KCNQ3: variants seen among roughly 807,000 people sequenced by gnomAD.
KCNQ3 encodes potassium voltage-gated channel subfamily KQT member 3.
In KCNQ3, 30 loss-of-function variants were observed where a neutral mutation model predicts 92.5. That is an observed-to-expected ratio of 0.32 (90% CI 0.24 to 0.44). The LOEUF is 0.44. KCNQ3 is among the 20% of genes least tolerant of loss of function. KCNQ3 has a pLI of 1.00. For missense variants in KCNQ3, 913 were observed against 1,140.3 expected (o/e 0.80, Z 2.87); for synonymous variants, 450 against 468.8 (o/e 0.96, Z 0.52).
chr8:132,352,468 G>A lies in KCNQ3; in HGVS notation c.386+127679C>T, dbSNP rs186417842. 1.6e-4 allele frequency among the ~76,000 whole-genome samples: 25 copies of A among 152,212 alleles called. No individual in the cohort carries two copies. The East Asian group carries it at 4.5e-3, about 27-fold the overall frequency. ...AATGCTAATGCTGGAAAACTCTGGC[G>A]AGTTCAGGAACACAGAGCAGGACTC... On this transcript the variant is annotated intron_variant, in intron 1 of 14. Coordinates refer to ENST00000388996, the MANE Select transcript of KCNQ3 (RefSeq NM_004519.4).
At chr8:132,423,993 C>G (rs1202775445) in intron 1 of KCNQ3, among the ~76,000 whole-genome samples, 2 of 152,184 alleles carry the variant, frequency 1.3e-5, no homozygotes, top group Non-Finnish European at 2.9e-5. Context: ...AGCTGCAGGA[C>G]TATCTTAAAT....
chr8:132,126,536 A>C lies in KCNQ3; in HGVS notation c.*2726T>G, dbSNP rs189683280. 5.5e-4 allele frequency: 83 copies of C among 152,266 alleles called. No homozygotes were observed. Among genetic ancestry groups the C allele is most frequent in the African/African-American group, 1.9e-3 (77 of 41,560 alleles). 9.4% of individuals were successfully genotyped at this position (152,266 alleles called of 1,614,324 possible). ...TTTCTCTTTTCCTTTTTGTTTTCTT[A>C]AATGGGAAAAAAACAGCTCTTAAGG... On this transcript the variant is annotated 3_prime_UTR_variant, in exon 15 of 15. Transcript: ENST00000388996.
intron 1 of KCNQ3, among the ~76,000 whole-genome samples, chr8:132,251,321 G>T (rs1275584279): frequency 6.6e-6 from 1 of 152,116 alleles, no homozygotes; most frequent in Non-Finnish European, 1.5e-5. Context: ...TCATTGAACT[G>T]CAAGAAGGGG....
At chr8:132,415,735 A>C (rs1165551890) in intron 1 of KCNQ3, among the ~76,000 whole-genome samples, 1 of 151,092 alleles carries the variant, frequency 6.6e-6, no homozygotes, top group East Asian at 1.9e-4. Context: ...CAACGGGACA[A>C]AAAAAAAAGC....
intron 1 of KCNQ3, among the ~76,000 whole-genome samples, chr8:132,338,318 G>T (rs1818424681): frequency 6.6e-6 from 1 of 152,164 alleles, no homozygotes; most frequent in Non-Finnish European, 1.5e-5. Context: ...TCCTGCACAA[G>T]GGAGTAGCTG....
rs1004673503 is a variant in KCNQ3 at position 132,124,417 on chromosome 8, T to C, written c.*4845A>G. 1 of 152,258 alleles carries C rather than the reference T, an allele frequency of 6.6e-6. No homozygotes were observed. Among genetic ancestry groups the C allele is most frequent in the East Asian group, 1.9e-4 (1 of 5,200 alleles). 9.4% of individuals were successfully genotyped at this position (152,258 alleles called of 1,614,324 possible). The stretch of plus-strand genomic sequence containing the variant: ...TTGTACTAGAGGCTTTGTGTGTACA[T>C]TGATTGTCTCACTTGAAAATCAAAA... On this transcript the variant is annotated 3_prime_UTR_variant, in exon 15 of 15. Transcript: ENST00000388996.
Position 132,363,554 on chromosome 8 carries a change from A to T in KCNQ3, c.386+116593T>A, listed in dbSNP as rs1006087948. Among the ~76,000 whole-genome samples, 7 of 152,136 alleles carry T rather than the reference A, an allele frequency of 4.6e-5. No homozygotes were observed. The South Asian group carries it at 1.5e-3, about 32-fold the overall frequency. On this transcript the variant is annotated intron_variant, in intron 1 of 14. Transcript: ENST00000388996. ...GCACCTATAAGGAAACACATCAAGG[A>T]AGGCTCATACATGCGGGCAGCCCCT...
In KCNQ3 at chr8:132,129,320, G is replaced by A. The variant is rs772150176; in HGVS notation, c.2561C>T (p.Ser854Leu). The A allele has an allele frequency of 8.1e-6, 13 of 1,613,950 alleles. No homozygotes were observed. The highest frequency in any genetic ancestry group is 9.3e-6 in the Non-Finnish European group (11 of 1,180,024). ...PFTPSGSMPLSSTGDGISDSV... is the reference protein window; with the variant it reads ...PFTPSGSMPLLSTGDGISDSV... ...ATCAGAAATCCCATCCCCTGTGGACGACAGAGGCATGGAGCCGCTGGGCGT... is the reference window on the plus strand; with the variant it reads ...ATCAGAAATCCCATCCCCTGTGGACAACAGAGGCATGGAGCCGCTGGGCGT... The change falls in exon 15 of 15, where the codon TCG becomes TTG. Residue 854 changes from serine (S) to leucine (L), a missense_variant. Around this residue, in one of 6 missense-constraint regions of KCNQ3, gnomAD observed 375 missense variants for 376.4 expected, o/e 1.00. Coordinates refer to ENST00000388996, the MANE Select transcript of KCNQ3 (RefSeq NM_004519.4). This position sits in a 1 kb window ranked among gnomAD's most constrained non-coding sequence, Gnocchi z 5.9.
At chr8:132,401,381 A>G (rs1336610948) in intron 1 of KCNQ3, among the ~76,000 whole-genome samples, 1 of 97,196 alleles carries the variant, frequency 1.0e-5, no homozygotes, top group Non-Finnish European at 2.6e-5. Flanking sequence ...GGAATAGAAC[A>G]CTTTTTTTTT....
chr8:132,304,737 A>T (rs1817362917), intron 1 of KCNQ3, among the ~76,000 whole-genome samples: 2 of 152,180 alleles, frequency 1.3e-5, no homozygotes, highest in Admixed American at 6.6e-5. Context: ...AGAGGATGAG[A>T]CTTTTGGCTG....
chr8:132,159,868 T>C (rs1028398320), intron 9 of KCNQ3, among the ~76,000 whole-genome samples: 2 of 152,144 alleles, frequency 1.3e-5, no homozygotes, highest in African/African-American at 4.8e-5. Context: ...CATTCATCCA[T>C]CCATCCATCT....
intron 1 of KCNQ3, among the ~76,000 whole-genome samples, chr8:132,275,514 T>A (rs888663029): frequency 2.0e-5 from 3 of 151,938 alleles, no homozygotes; most frequent in Non-Finnish European, 4.4e-5. Flanking sequence ...GAGGGTCATT[T>A]GCCCCACCCT....
At chr8:132,420,888 G>C (rs1012596040) in intron 1 of KCNQ3, among the ~76,000 whole-genome samples, 6 of 152,184 alleles carry the variant, frequency 3.9e-5, no homozygotes, top group African/African-American at 1.2e-4. Context: ...CCAGCTCCCA[G>C]ACCAGCACAT....
intron 1 of KCNQ3, among the ~76,000 whole-genome samples, chr8:132,463,915 C>T (rs894004615): frequency 2.0e-5 from 3 of 152,184 alleles, no homozygotes; most frequent in Non-Finnish European, 2.9e-5. Context: ...CGGGTTCAAG[C>T]GATTCATGCC....
intron 1 of KCNQ3, among the ~76,000 whole-genome samples, chr8:132,460,602 A>C (rs570555063): frequency 6.6e-6 from 1 of 152,222 alleles, no homozygotes; most frequent in Non-Finnish European, 1.5e-5. Context: ...AACTCCATTC[A>C]TTGCCAAAGT....
In KCNQ3 at chr8:132,297,249, T is replaced by C. The variant is rs564553019; in HGVS notation, c.387-111068A>G. On this transcript the variant is annotated intron_variant, in intron 1 of 14. Transcript: ENST00000388996. ...TTTTTGATGGGGTTGTTTGTTTTTT[T>C]CTTGTAAATTTGTTTGAGTTCATTG... Among the ~76,000 whole-genome samples, 4 of 152,280 alleles carry C rather than the reference T, an allele frequency of 2.6e-5. No individual in the cohort carries two copies. The South Asian group carries it at 8.3e-4, about 32-fold the overall frequency.
intron 1 of KCNQ3, among the ~76,000 whole-genome samples, chr8:132,331,920 G>A (rs151212305): frequency 6.6e-6 from 1 of 152,276 alleles, no homozygotes; most frequent in African/African-American, 2.4e-5. Context: ...CCAGTCAGAA[G>A]TTCTGTGGTA....
intron 1 of KCNQ3, among the ~76,000 whole-genome samples, chr8:132,303,578 ATGGTG>A (rs1817296887): frequency 2.3e-4 from 9 of 38,714 alleles, no homozygotes; most frequent in African/African-American, 5.8e-4. Flanking sequence ...ATATATATAT[ATGGTG>A]TGTGTGTATA....
intron 1 of KCNQ3, among the ~76,000 whole-genome samples, chr8:132,389,956 C>G (rs1258474714): frequency 6.6e-6 from 1 of 152,048 alleles, no homozygotes; most frequent in Non-Finnish European, 1.5e-5. Flanking sequence ...ATGTATGTTC[C>G]AAAAAGCACA....
Sources: gnomAD v4.1 joint callset for allele counts (sites outside exome capture counted in the v4.1 genomes callset) on GRCh38, gnomAD v4.1.1 for gene constraint, gnomAD v4.1.1 regional missense constraint, Gnocchi (gnomAD v3.1) non-coding constraint, MANE v1.5 for transcripts, NCBI Gene and HGNC (gene_info 2026-07-23, HGNC 2026-07-21) for gene names.